The following CNTNAP5 variants were observed in gnomAD, a reference collection of about 807,000 sequenced individuals.
CNTNAP5 encodes the protein contactin-associated protein-like 5.
CNTNAP5 carries 72 observed loss-of-function variants against 150.2 expected under a neutral mutation model. The ratio of observed to expected loss-of-function variants is 0.48; its 90% CI spans 0.40 to 0.58. The LOEUF is 0.58. Among genes scored for constraint, CNTNAP5 ranks in the 20% least tolerant of loss-of-function variants. The probability of loss-of-function intolerance (pLI) is 0.00; values close to 1 mark genes in which losing one functional copy is unlikely to be tolerated. For synonymous variants in CNTNAP5, 672 were observed against 619.8 expected, an observed-to-expected ratio of 1.08 and a Z score of -1.25; for missense variants, 1,636 against 1,626.2, an observed-to-expected ratio of 1.01 and a Z score of -0.10.
intron 17 of CNTNAP5, among the ~76,000 whole-genome samples, chr2:124,781,371 G>A (rs1006294673): frequency 6.6e-6 from 1 of 152,112 alleles, no homozygotes; most frequent in African/African-American, 2.4e-5. Context: ...CAGGCCCCAG[G>A]CTCTATTTCT....
intron 3 of CNTNAP5, among the ~76,000 whole-genome samples, chr2:124,256,966 G>T (rs1056929681): frequency 6.6e-6 from 1 of 152,100 alleles, no homozygotes; most frequent in African/African-American, 2.4e-5. Context: ...TCTAATGACT[G>T]ATATCTTTAT....
intron 1 of CNTNAP5, among the ~76,000 whole-genome samples, chr2:124,066,510 C>T (rs1391351933): frequency 1.3e-5 from 2 of 151,990 alleles, no homozygotes; most frequent in Admixed American, 6.6e-5. Context: ...GGCAAAGTTT[C>T]CTGTCCTGCA....
intron 1 of CNTNAP5, among the ~76,000 whole-genome samples, chr2:124,036,010 C>T (rs1028853365): frequency 9.5e-5 from 14 of 148,094 alleles, no homozygotes; most frequent in African/African-American, 2.3e-4. Context: ...CTGCAAGCTC[C>T]GCTTCCCGGG....
At chr2:124,145,681 T>C (rs1334583600) in intron 1 of CNTNAP5, among the ~76,000 whole-genome samples, 18 of 126,320 alleles carry the variant, frequency 1.4e-4, no homozygotes, top group Non-Finnish European at 2.0e-4. Context: ...CATTGGGAGA[T>C]ATACCTAATG....
chr2:124,025,984 C>T (rs1573699273), intron 1 of CNTNAP5, among the ~76,000 whole-genome samples: 1 of 152,170 alleles, frequency 6.6e-6, no homozygotes. Context: ...TTTCTCTTCC[C>T]TTAACCTCCT....
intron 13 of CNTNAP5, among the ~76,000 whole-genome samples, chr2:124,743,351 C>T (rs1558758551): frequency 6.6e-6 from 1 of 152,202 alleles, no homozygotes; most frequent in Non-Finnish European, 1.5e-5. Context: ...CCCGCCTCCA[C>T]AGCAAAGAAG....
At chr2:124,565,072 G>A (rs911550367) in intron 11 of CNTNAP5, among the ~76,000 whole-genome samples, 22 of 152,044 alleles carry the variant, frequency 1.4e-4, no homozygotes, top group African/African-American at 4.1e-4. Context: ...GATAAGTAAC[G>A]TTGATATTCT....
chr2:124,274,381 A>C (rs935444631), intron 3 of CNTNAP5, among the ~76,000 whole-genome samples: 2 of 152,092 alleles, frequency 1.3e-5, no homozygotes, highest in African/African-American at 4.8e-5. Flanking sequence ...AAAAAGTCCT[A>C]TGTTTATTTT....
chr2:124,811,707 G>GGGGT (rs958322308), intron 19 of CNTNAP5, among the ~76,000 whole-genome samples: 2 of 15,710 alleles, frequency 1.3e-4, no homozygotes, highest in Non-Finnish European at 1.3e-4. Flanking sequence ...TTTAGGAGGC[G>GGGGT]GGGGGGGTGG....
chr2:124,097,122 G>T (rs1335644339), intron 1 of CNTNAP5, among the ~76,000 whole-genome samples: 1 of 152,148 alleles, frequency 6.6e-6, no homozygotes, highest in Non-Finnish European at 1.5e-5. Flanking sequence ...AGCTTGGAAA[G>T]CATGTTTACA....
At chr2:124,305,244 C>G (rs1418296973) in intron 3 of CNTNAP5, among the ~76,000 whole-genome samples, 2 of 150,850 alleles carry the variant, frequency 1.3e-5, no homozygotes, top group Non-Finnish European at 2.9e-5. Context: ...CACCACTGCA[C>G]TCTAACCTTG....
At chr2:124,373,493 A>G (rs1690578492) in intron 3 of CNTNAP5, among the ~76,000 whole-genome samples, 1 of 152,138 alleles carries the variant, frequency 6.6e-6, no homozygotes, top group Non-Finnish European at 1.5e-5. Flanking sequence ...TGGTGCCACG[A>G]GGAGTTCACT....
chr2:124,423,620 A>G (rs1190603323), intron 4 of CNTNAP5, among the ~76,000 whole-genome samples: 1 of 140,796 alleles, frequency 7.1e-6, no homozygotes, highest in Non-Finnish European at 1.5e-5. Context: ...TGCTGGGATT[A>G]CAGGCATGAG....
chr2:124,689,133 G>A (rs62171301), intron 13 of CNTNAP5, among the ~76,000 whole-genome samples: 9 of 152,174 alleles, frequency 5.9e-5, no homozygotes, highest in East Asian at 1.9e-4. Context: ...ATGCCACCAC[G>A]CCCAGCTCAG....
intron 13 of CNTNAP5, among the ~76,000 whole-genome samples, chr2:124,732,843 T>C (rs1001056487): frequency 1.3e-5 from 2 of 152,148 alleles, no homozygotes; most frequent in Non-Finnish European, 2.9e-5. Flanking sequence ...TTCTCACCCT[T>C]TGTGACATGT....
chr2:124,461,813 A>T (rs1483571590), intron 6 of CNTNAP5, among the ~76,000 whole-genome samples: 1 of 150,166 alleles, frequency 6.7e-6, no homozygotes, highest in Non-Finnish European at 1.5e-5. Context: ...GTGAGCCAAG[A>T]TTGCACCATT....
At chr2:124,643,339 C>G (rs1678133761) in intron 12 of CNTNAP5, among the ~76,000 whole-genome samples, 1 of 152,072 alleles carries the variant, frequency 6.6e-6, no homozygotes, top group East Asian at 1.9e-4. Flanking sequence ...AAGAGAAAAA[C>G]AAACTGGGTA....
At chr2:124,827,622 G>A (rs759803154) in intron 19 of CNTNAP5, among the ~76,000 whole-genome samples, 8 of 152,092 alleles carry the variant, frequency 5.3e-5, no homozygotes, top group East Asian at 3.9e-4. Context: ...AAGTGAAGAC[G>A]AACATAGTCC....
chr2:124,256,435 G>A (rs948126539), intron 3 of CNTNAP5, among the ~76,000 whole-genome samples: 11 of 152,040 alleles, frequency 7.2e-5, no homozygotes, highest in East Asian at 1.9e-4. Context: ...AAGGCCTATC[G>A]ATAGATAAAA....
Sources: allele counts gnomAD v4.1 joint callset (sites outside exome capture counted in the v4.1 genomes callset), GRCh38; gene constraint gnomAD v4.1.1; transcripts MANE v1.5; gene names NCBI Gene and HGNC (gene_info 2026-07-23, HGNC 2026-07-21).